Variants in SHTN1 observed in about 807,000 individuals in gnomAD.
SHTN1 encodes shootin 1.
SHTN1 carries 42 observed loss-of-function variants against 83.1 expected under a neutral mutation model. The ratio of observed to expected loss-of-function variants is 0.51; its 90% CI spans 0.39 to 0.65. SHTN1 has a LOEUF of 0.65. Among genes scored for constraint, SHTN1 ranks in the 30% least tolerant of loss-of-function variants. The pLI is 0.00. For synonymous variants in SHTN1, 224 were observed against 247.7 expected (o/e 0.90, Z 0.90); for missense variants, 622 against 737.8 (o/e 0.84, Z 1.82).
intron 12 of SHTN1, 66 bp downstream of exon 12, chr10:116,921,368 C>G: frequency 8.7e-7 from 1 of 1,149,774 alleles, no homozygotes; most frequent in Non-Finnish European, 1.3e-6. Context: ...AAGAACTTAA[C>G]AAATATGTGA....
chr10:117,019,826 CAAA>C (rs199637675), intron 2 of SHTN1, among the ~76,000 whole-genome samples: 5 of 118,192 alleles, frequency 4.2e-5, no homozygotes, highest in Admixed American at 8.9e-5. Flanking sequence ...GCCCTTGTCT[CAAA>C]AAAAAAAAAA....
intron 1 of SHTN1, among the ~76,000 whole-genome samples, chr10:117,057,617 A>C (rs1852843064): frequency 6.6e-6 from 1 of 152,164 alleles, no homozygotes; most frequent in Non-Finnish European, 1.5e-5. Flanking sequence ...CATTCAAAAC[A>C]ACCACATATG....
chr10:117,103,726 T>TTA (rs1564960328), intron 1 of SHTN1, among the ~76,000 whole-genome samples: 1 of 151,668 alleles, frequency 6.6e-6, no homozygotes, highest in Non-Finnish European at 1.5e-5. Flanking sequence ...TTAGTAGAGA[T>TTA]GGGGTTTCAC....
At chr10:116,963,039 T>G (rs1317308831) in intron 3 of SHTN1, among the ~76,000 whole-genome samples, 7 of 6,094 alleles carry the variant, frequency 1.1e-3, no homozygotes, top group Non-Finnish European at 1.9e-3. Context: ...ATAAAAGTTT[T>G]TTTTTTTTTT....
Position 117,005,176 on chromosome 10 carries a change from C to CTCCACTACCCGGAAGTTGGA in SHTN1, c.-98_-97insTCCAACTTCCGGGTAGTGGA, listed in dbSNP as rs1851971693. 1 of 1,540,682 alleles carries CTCCACTACCCGGAAGTTGGA rather than the reference C, an allele frequency of 6.5e-7. No individual in the cohort carries two copies. Among genetic ancestry groups the CTCCACTACCCGGAAGTTGGA allele is most frequent in the Non-Finnish European group, 8.7e-7 (1 of 1,143,662 alleles). ...AAAGCAAGATGCCGGTGGCTTGCGG[C>CTCCACTACCCGGAAGTTGGA]TCCACTACCCGGAAGTTGGATCCGC... is the stretch of plus-strand genomic sequence containing the variant. On this transcript the variant is annotated 5_prime_UTR_variant, in exon 1 of 17. Transcript: ENST00000355371.
At chr10:117,081,644 G>A (rs1454935260) in intron 1 of SHTN1, among the ~76,000 whole-genome samples, 6 of 145,684 alleles carry the variant, frequency 4.1e-5, no homozygotes, top group Non-Finnish European at 7.5e-5. Flanking sequence ...GGTAGAATTC[G>A]GCTGTGAATC....
intron 1 of SHTN1, among the ~76,000 whole-genome samples, chr10:117,071,060 AT>A: frequency 6.6e-6 from 1 of 152,176 alleles, no homozygotes; most frequent in South Asian, 2.1e-4. Flanking sequence ...ATTTATGTAT[AT>A]TTTCCTACCT....
intron 16 of SHTN1, among the ~76,000 whole-genome samples, chr10:116,887,132 A>C (rs1213419551): frequency 6.6e-6 from 1 of 152,222 alleles, no homozygotes; most frequent in Non-Finnish European, 1.5e-5. Flanking sequence ...GGTAGGACCA[A>C]GGGCGGAGAG....
chr10:116,979,155 C>T, intron 2 of SHTN1, 101 bp downstream of exon 2: 1 of 960,810 alleles, frequency 1.0e-6, no homozygotes, highest in Non-Finnish European at 1.6e-6. Context: ...AAAAAAACAA[C>T]CCTCATTCAC....
intron 1 of SHTN1, among the ~76,000 whole-genome samples, chr10:117,124,932 G>A (rs1365977705): frequency 6.6e-6 from 1 of 152,168 alleles, no homozygotes; most frequent in East Asian, 1.9e-4. Context: ...TTAAGGTGAT[G>A]ACTGGGATAC....
intron 1 of SHTN1, among the ~76,000 whole-genome samples, chr10:117,066,699 A>C (rs773322146): frequency 2.0e-5 from 3 of 152,204 alleles, no homozygotes; most frequent in Non-Finnish European, 4.4e-5. Flanking sequence ...TAGAGCAAAC[A>C]GCTATCACAT....
intron 2 of SHTN1, among the ~76,000 whole-genome samples, chr10:117,013,989 G>A (rs886221075): frequency 2.8e-4 from 42 of 152,114 alleles, no homozygotes; most frequent in African/African-American, 9.6e-4. Context: ...CTACTGAGTG[G>A]ATACAGTGTA....
rs1847050793 is a variant in SHTN1, at chr10:116,882,521, A to G, written c.*3823T>C. ...TATATTCAGACACAAACATATAGAT[A>G]TAATAATATCCAACCACTTTATATG... On this transcript the variant is annotated 3_prime_UTR_variant, in exon 17 of 17. Transcript: ENST00000355371. The G allele has an allele frequency of 6.6e-6, 1 of 152,244 alleles. No homozygotes were observed. The highest frequency in any genetic ancestry group is 1.5e-5 in the Non-Finnish European group (1 of 68,028). 9.4% of individuals were successfully genotyped at this position (152,244 alleles called of 1,614,324 possible). A position where few individuals can be genotyped will look rare whatever the true frequency, so the allele number is the denominator to read the frequency against.
intron 1 of SHTN1, among the ~76,000 whole-genome samples, chr10:117,061,519 G>A (rs1025159503): frequency 2.0e-5 from 3 of 149,500 alleles, no homozygotes; most frequent in South Asian, 2.1e-4. Context: ...GCCCAGGCTA[G>A]AGTGCAATGG....
chr10:117,029,280 A>G (rs1254869197), intron 2 of SHTN1, among the ~76,000 whole-genome samples: 1 of 152,128 alleles, frequency 6.6e-6, no homozygotes, highest in Non-Finnish European at 1.5e-5. Flanking sequence ...CCTCCATTGT[A>G]TCTTGGAAGA....
intron 14 of SHTN1, chr10:116,911,399 T>G: frequency 6.8e-7 from 1 of 1,468,072 alleles, no homozygotes; most frequent in Non-Finnish European, 9.1e-7. Flanking sequence ...GAATTTAGCT[T>G]CACATTTAGG....
chr10:116,890,664 C>T (rs560790301), intron 16 of SHTN1, among the ~76,000 whole-genome samples: 1 of 152,332 alleles, frequency 6.6e-6, no homozygotes, highest in South Asian at 2.1e-4. Context: ...AAGCCTGGTG[C>T]CCAAGTAAAA....
intron 6 of SHTN1, among the ~76,000 whole-genome samples, chr10:116,949,353 C>T (rs1849697143): frequency 6.6e-6 from 1 of 152,054 alleles, no homozygotes; most frequent in Non-Finnish European, 1.5e-5. Context: ...TGGTCTCGAA[C>T]TCCTGGGCTC....
intron 16 of SHTN1, chr10:116,900,332 T>C (rs1208876758): frequency 5.2e-6 from 3 of 576,886 alleles, no homozygotes; most frequent in Admixed American, 3.0e-5. Context: ...GAGAAATAAA[T>C]TGAGCTTCAC....
Sources: gnomAD v4.1 joint callset for allele counts (sites outside exome capture counted in the v4.1 genomes callset) on GRCh38, gnomAD v4.1.1 for gene constraint, MANE v1.5 for transcripts, NCBI Gene and HGNC (gene_info 2026-07-23, HGNC 2026-07-21) for gene names.